The following ATG10 variants were observed in gnomAD, a reference collection of about 807,000 sequenced individuals.
ATG10 encodes the protein ubiquitin-like-conjugating enzyme ATG10.
A neutral mutation model predicts 32.1 loss-of-function variants in ATG10; 30 were observed. The observed-to-expected ratio is 0.94, with a 90% CI of 0.70 to 1.27. The LOEUF (loss-of-function observed/expected upper bound fraction) is 1.27. ATG10 is among the 50% of genes most tolerant of loss of function. The pLI is 0.00. For missense variants in ATG10, 233 were observed against 262.3 expected (o/e 0.89, Z 0.77); for synonymous variants, 87 against 91.5 (o/e 0.95, Z 0.28).
rs759642533 is a variant in ATG10, at chr5:82,164,524, G to A, written c.342G>A (p.Arg114=). The part of the protein sequence containing the change: ...CSYQVPVLYF[R]ASFLDGRPLT... ...ACCAAGTGCCTGTACTTTACTTTAG[G>A]GCAAGCTTTTTAGGTAAGAACATGT... Residue 114 remains arginine (R), a synonymous_variant, in exon 4 of 8, where the codon AGG becomes AGA. Transcript: ENST00000282185. 8.7e-6 allele frequency: 14 copies of A among 1,610,466 alleles called. No homozygotes were observed. Among genetic ancestry groups the A allele is most frequent in the Middle Eastern group, 3.3e-4 (2 of 6,066 alleles).
intron 3 of ATG10, among the ~76,000 whole-genome samples, chr5:82,164,049 G>C (rs1168305803): frequency 6.6e-6 from 1 of 152,150 alleles, no homozygotes; most frequent in South Asian, 2.1e-4. Context: ...AGCTTTCACA[G>C]GTAGGGAAGA....
intron 5 of ATG10, among the ~76,000 whole-genome samples, chr5:82,207,319 GTTTGA>G (rs1279464650): frequency 6.6e-6 from 1 of 152,150 alleles, no homozygotes; most frequent in Non-Finnish European, 1.5e-5. Flanking sequence ...TCTGATAACT[GTTTGA>G]TATTGTCAGT....
At chr5:82,094,131 T>C (rs324914) in intron 3 of ATG10, among the ~76,000 whole-genome samples, 27,758 of 152,180 alleles carry the variant, frequency 0.18, 3,070 homozygotes, top group Middle Eastern at 0.28. Context: ...GGACTTTGCC[T>C]CGGTTATACC....
At chr5:82,117,137 C>G (rs1316486342) in intron 3 of ATG10, among the ~76,000 whole-genome samples, 1 of 151,952 alleles carries the variant, frequency 6.6e-6, no homozygotes, top group African/African-American at 2.4e-5. Flanking sequence ...AGACATAGCC[C>G]CTACCCTTAT....
intron 3 of ATG10, among the ~76,000 whole-genome samples, chr5:82,098,795 G>T (rs2149800651): frequency 6.6e-6 from 1 of 152,326 alleles, no homozygotes; most frequent in Non-Finnish European, 1.5e-5. Flanking sequence ...CACAAGTGCT[G>T]CTGAATAGAT....
intron 2 of ATG10, among the ~76,000 whole-genome samples, chr5:81,993,897 A>G (rs1355106974): frequency 1.3e-5 from 2 of 152,220 alleles, no homozygotes; most frequent in Non-Finnish European, 2.9e-5. Flanking sequence ...GGTTGATAGT[A>G]TATTGTCTGA....
intron 2 of ATG10, among the ~76,000 whole-genome samples, chr5:82,023,143 G>A (rs1281521191): frequency 6.6e-6 from 1 of 151,880 alleles, no homozygotes; most frequent in African/African-American, 2.4e-5. Flanking sequence ...GATTCTTCCA[G>A]TGGGAATATG....
At chr5:82,149,461 T>C (rs1190378581) in intron 3 of ATG10, among the ~76,000 whole-genome samples, 6 of 152,166 alleles carry the variant, frequency 3.9e-5, no homozygotes, top group Non-Finnish European at 8.8e-5. Flanking sequence ...AACAGTCTTT[T>C]TGCAGACTTT....
chr5:81,998,582 G>A (rs562425614), intron 2 of ATG10, among the ~76,000 whole-genome samples: 2 of 152,082 alleles, frequency 1.3e-5, no homozygotes, highest in African/African-American at 4.8e-5. Flanking sequence ...CAATTAAAAG[G>A]CACAGAGTGG....
intron 5 of ATG10, among the ~76,000 whole-genome samples, chr5:82,251,715 G>A (rs1157309947): frequency 2.0e-5 from 3 of 152,186 alleles, no homozygotes; most frequent in Non-Finnish European, 4.4e-5. Context: ...ATCAATAAAT[G>A]TATCATCAAT....
At chr5:82,016,636 TG>T (rs1318385768) in intron 2 of ATG10, among the ~76,000 whole-genome samples, 1 of 152,050 alleles carries the variant, frequency 6.6e-6, no homozygotes, top group African/African-American at 2.4e-5. Flanking sequence ...GGTATTTTGA[TG>T]GGAATTGCAC....
At chr5:82,085,842 T>A (rs1764667470) in intron 3 of ATG10, among the ~76,000 whole-genome samples, 1 of 152,152 alleles carries the variant, frequency 6.6e-6, no homozygotes, top group Non-Finnish European at 1.5e-5. Context: ...ACTATTTTAC[T>A]TATTTCTAAT....
intron 3 of ATG10, among the ~76,000 whole-genome samples, chr5:82,080,220 T>C (rs1226755528): frequency 6.6e-6 from 1 of 152,230 alleles, no homozygotes; most frequent in Non-Finnish European, 1.5e-5. Flanking sequence ...GTTGTTTTTT[T>C]CTTGTAAATT....
At chr5:82,243,402 A>G (rs1042740429) in intron 5 of ATG10, among the ~76,000 whole-genome samples, 2 of 152,132 alleles carry the variant, frequency 1.3e-5, no homozygotes, top group Non-Finnish European at 2.9e-5. Flanking sequence ...GTAAAGGTGG[A>G]TATTTAAAAA....
intron 5 of ATG10, among the ~76,000 whole-genome samples, chr5:82,219,197 T>C (rs1485375619): frequency 6.6e-6 from 1 of 152,238 alleles, no homozygotes. Context: ...CATAGTACCA[T>C]GTACACTGTA....
At chr5:82,088,709 G>C (rs762689305) in intron 3 of ATG10, among the ~76,000 whole-genome samples, 1 of 152,152 alleles carries the variant, frequency 6.6e-6, no homozygotes, top group Non-Finnish European at 1.5e-5. Context: ...AACACAATGT[G>C]TAAGTACTAT....
At chr5:81,979,046 C>T (rs528460299) in intron 1 of ATG10, among the ~76,000 whole-genome samples, 1 of 151,970 alleles carries the variant, frequency 6.6e-6, no homozygotes, top group Non-Finnish European at 1.5e-5. Flanking sequence ...ACTACAGGTG[C>T]ACATCACTGC....
At chr5:82,222,683 G>A (rs891959035) in intron 5 of ATG10, among the ~76,000 whole-genome samples, 4 of 152,192 alleles carry the variant, frequency 2.6e-5, no homozygotes. Context: ...AGTGATTATA[G>A]TTTTATGGAA....
chr5:82,147,216 TG>T, intron 3 of ATG10: 3 of 231,594 alleles, frequency 1.3e-5, no homozygotes, highest in South Asian at 4.2e-5. Flanking sequence ...TCACCCAGGC[TG>T]GAGTGCAGTT....
Sources: allele counts gnomAD v4.1 joint callset (sites outside exome capture counted in the v4.1 genomes callset), GRCh38; gene constraint gnomAD v4.1.1; transcripts MANE v1.5; gene names NCBI Gene and HGNC (gene_info 2026-07-23, HGNC 2026-07-21).